The following PLCH2 variants were observed in gnomAD, a reference collection of about 807,000 sequenced individuals.
PLCH2 encodes 1-phosphatidylinositol 4,5-bisphosphate phosphodiesterase eta-2.
In PLCH2, 98 loss-of-function variants were observed where a neutral mutation model predicts 134.7. The observed-to-expected ratio is 0.73, with a 90% confidence interval of 0.62 to 0.86. The LOEUF (loss-of-function observed/expected upper bound fraction) is 0.86, where lower values mean the gene tolerates loss of function less well. Ranked by LOEUF, PLCH2 falls within the 40% of genes least tolerant of loss-of-function variation. The pLI is 0.00. For missense variants in PLCH2, 1,994 were observed against 1,986.6 expected (o/e 1.00, Z -0.07); for synonymous variants, 974 against 827.5 (o/e 1.18, Z -3.04).
intron 2 of PLCH2, among the ~76,000 whole-genome samples, chr1:2,451,240 G>C (rs896712731): frequency 1.3e-5 from 2 of 152,208 alleles, no homozygotes; most frequent in Admixed American, 1.3e-4. Context: ...TCCCAGCCAA[G>C]GCAGGCGGTG....
intron 2 of PLCH2, among the ~76,000 whole-genome samples, chr1:2,446,248 A>G (rs932260422): frequency 1.3e-5 from 2 of 152,200 alleles, no homozygotes; most frequent in Non-Finnish European, 2.9e-5. Context: ...CACAGGCCCC[A>G]CTGGGACTCT....
the PLCH2 span, among the ~76,000 whole-genome samples, chr1:2,416,390 C>T: frequency 4.7e-5 from 2 of 42,584 alleles, no homozygotes; most frequent in African/African-American, 3.4e-4. Flanking sequence ...AAGCTGGCCC[C>T]GAGTACAGGG....
At position 2,443,757 on chromosome 1, in the gene PLCH2, CG is replaced by C. The variant is rs553079171; in HGVS notation, c.115+13130del. 2.0e-5 allele frequency among the ~76,000 whole-genome samples: 3 copies of C among 147,610 alleles called. No homozygotes were observed. In the East Asian group the frequency reaches 5.9e-4, roughly 29 times the overall value. On this transcript the variant is annotated intron_variant, in intron 2 of 3. Transcript: ENST00000609981. ...CACGAGTGACAGCGCGCTCCTCGCG[CG>C]GCGCCTCCACGGGGCGCAGTGTCAC... is the stretch of plus-strand genomic sequence containing the variant.
intron 2 of PLCH2, among the ~76,000 whole-genome samples, chr1:2,440,683 C>T (rs1212023036): frequency 7.4e-6 from 1 of 135,552 alleles, no homozygotes; most frequent in African/African-American, 2.9e-5. Context: ...CCATGTCTGT[C>T]GCTGGCCTTG....
upstream of PLCH2, among the ~76,000 whole-genome samples, chr1:2,422,962 G>A (rs1557927640): frequency 6.6e-6 from 1 of 152,154 alleles, no homozygotes. Flanking sequence ...ATCTTGACAC[G>A]TTTTATTAAA....
chr1:2,420,471 T>G, the PLCH2 span, among the ~76,000 whole-genome samples: 1 of 151,786 alleles, frequency 6.6e-6, no homozygotes, highest in South Asian at 2.1e-4. Context: ...GGCTGAACGG[T>G]TATGTCCCGG....
chr1:2,492,469 C>G (rs1642639500), intron 11 of PLCH2: 1 of 152,246 alleles, frequency 6.6e-6, no homozygotes, highest in African/African-American at 2.4e-5. Context: ...CTGCAGACCT[C>G]AGGTCTGAGC....
intron 2 of PLCH2, among the ~76,000 whole-genome samples, chr1:2,460,593 AT>A (rs1024920505): frequency 9.9e-5 from 15 of 152,086 alleles, no homozygotes; most frequent in African/African-American, 3.6e-4. Flanking sequence ...TTTTTCAAGG[AT>A]TTTCATATTT....
At chr1:2,443,473 C>T (rs529455316) in intron 2 of PLCH2, among the ~76,000 whole-genome samples, 1 of 152,166 alleles carries the variant, frequency 6.6e-6, no homozygotes, top group African/African-American at 2.4e-5. Flanking sequence ...TTCCCGGTCC[C>T]GCCGGCTGGG....
At chr1:2,486,320 G>C (rs753517004) in intron 5 of PLCH2, among the ~76,000 whole-genome samples, 19 of 152,178 alleles carry the variant, frequency 1.2e-4, no homozygotes, top group Non-Finnish European at 1.6e-4. Flanking sequence ...ACTGGCTCTG[G>C]GCTCCCCCAC....
At chr1:2,466,812 G>T (rs1641077261), upstream of PLCH2, among the ~76,000 whole-genome samples, 2 of 152,216 alleles carry the variant, frequency 1.3e-5, no homozygotes, top group Non-Finnish European at 2.9e-5. Context: ...GAGGACCCCA[G>T]CGCGGGCAGC....
Position 2,499,646 on chromosome 1 carries a change from A to T in PLCH2, c.2587A>T (p.Arg863Ter). Residue 863 changes from arginine to a stop codon, truncating the protein, a stop_gained, in exon 20 of 22, where the codon AGA becomes TGA. Transcript: ENST00000378486. LOFTEE classifies it high-confidence loss of function. ...GCTGACCCACACTGCTCCAGGCTACAGACACGTGTACCTAGAAGGGATGGA... is the reference window on the plus strand; with the variant it reads ...GCTGACCCACACTGCTCCAGGCTACTGACACGTGTACCTAGAAGGGATGGA... ...LAFSSMMPGY[R>*]HVYLEGMEEA... 1 of 1,600,152 alleles carries T rather than the reference A, an allele frequency of 6.2e-7. No homozygotes were observed. Among genetic ancestry groups the T allele is most frequent in the Non-Finnish European group, 8.5e-7 (1 of 1,173,732 alleles).
chr1:2,432,897 T>C (rs1001989831), intron 2 of PLCH2, among the ~76,000 whole-genome samples: 13 of 151,756 alleles, frequency 8.6e-5, no homozygotes, highest in South Asian at 2.1e-4. Flanking sequence ...TGGGGAGGGG[T>C]CTGTGGCAGT....
chr1:2,428,688 G>A (rs1352769931), intron 1 of PLCH2, among the ~76,000 whole-genome samples: 10 of 152,364 alleles, frequency 6.6e-5, no homozygotes, highest in Middle Eastern at 3.4e-3. Flanking sequence ...TCCCACTGCC[G>A]CAGGAACTGC....
chr1:2,451,419 AGATCAGTGCCGCCCCTCTGGACT>A (rs984798887), intron 2 of PLCH2, among the ~76,000 whole-genome samples: 9 of 152,186 alleles, frequency 5.9e-5, no homozygotes, highest in African/African-American at 1.9e-4. Flanking sequence ...TGGGCTGTAC[AGATCAGTGCCGCCCCTCTGGACT>A]GATCAGTGCT....
chr1:2,500,264 G>A (rs1643142777), intron 20 of PLCH2: 2 of 165,404 alleles, frequency 1.2e-5, no homozygotes, highest in Non-Finnish European at 2.7e-5. Flanking sequence ...TTTGAGCTGG[G>A]GCCCAGTGCC....
intron 1 of PLCH2, among the ~76,000 whole-genome samples, chr1:2,427,505 A>C (rs10797423): frequency 0.34 from 51,555 of 152,066 alleles, 9,198 homozygotes; most frequent in African/African-American, 0.46. Context: ...AGGGAGAGGG[A>C]GCCCCTCTGT....
the PLCH2 span, among the ~76,000 whole-genome samples, chr1:2,419,596 G>T: frequency 2.6e-5 from 4 of 152,038 alleles, no homozygotes; most frequent in Non-Finnish European, 4.4e-5. Context: ...GCAGGGGCCC[G>T]GGGCTCTCCA....
chr1:2,449,605 G>A (rs759786696), intron 2 of PLCH2, among the ~76,000 whole-genome samples: 15 of 152,248 alleles, frequency 9.9e-5, no homozygotes, highest in Non-Finnish European at 1.9e-4. Flanking sequence ...CAGGTCTGCA[G>A]CAGCCTCTGC....
Sources: gnomAD v4.1 joint callset for allele counts (sites outside exome capture counted in the v4.1 genomes callset) on GRCh38, gnomAD v4.1.1 for gene constraint, MANE v1.5 for transcripts, NCBI Gene and HGNC (gene_info 2026-07-23, HGNC 2026-07-21) for gene names.